Variants in TTBK1 observed in about 807,000 individuals in gnomAD.
TTBK1 encodes tau-tubulin kinase 1.
Under a neutral mutation model 108.5 loss-of-function variants are expected in TTBK1, and 34 were observed. The ratio of observed to expected loss-of-function variants is 0.31; its 90% CI spans 0.24 to 0.42. TTBK1 has a LOEUF of 0.42. Ranked by LOEUF, TTBK1 falls within the 10% of genes least tolerant of loss-of-function variation. TTBK1 has a pLI of 1.00. For missense variants in TTBK1, 1,539 were observed against 1,826.0 expected (o/e 0.84, Z 2.86); for synonymous variants, 809 against 795.1 (o/e 1.02, Z -0.29).
chr6:43,266,926 G>C (rs1321830452), intron 13 of TTBK1, among the ~76,000 whole-genome samples: 3 of 152,092 alleles, frequency 2.0e-5, no homozygotes, highest in African/African-American at 7.2e-5. Flanking sequence ...TGAGGTCTGT[G>C]AGTTTAACAG....
chr6:43,284,347 G>A, intron 14 of TTBK1, 35 bp downstream of exon 14: 1 of 1,471,260 alleles, frequency 6.8e-7, no homozygotes. Context: ...GGTGGGCAGA[G>A]GGTGGCCACA....
Position 43,245,456 on chromosome 6 carries a change from A to G in TTBK1, c.-54-1151A>G, listed in dbSNP as rs551650264. 2.8e-4 allele frequency among the ~76,000 whole-genome samples: 43 copies of G among 152,306 alleles called. 1 individual carries two copies. The highest frequency in any genetic ancestry group is 2.5e-3 in the Admixed American group (39 of 15,306). The stretch of plus-strand genomic sequence containing the variant: ...TGGCCCCTTGCCTACACACATGCAT[A>G]TCACACACAGACACAAAACACACAC... On this transcript the variant is annotated intron_variant, in intron 1 of 14. Transcript: ENST00000259750.
Position 43,283,776 on chromosome 6 carries a change from C to T in TTBK1, c.3036C>T (p.Asn1012=), listed in dbSNP as rs778099928. Residue 1012 remains asparagine, a synonymous_variant, in exon 14 of 15, where the codon AAC becomes AAT. Transcript: ENST00000259750. This position sits in a 1 kb window ranked among gnomAD's most constrained non-coding sequence, Gnocchi z 8.1. ...PRETPSEMAT[N]SLPNGPALAD... is the part of the protein sequence containing the mutation. The stretch of plus-strand genomic sequence containing the variant: ...AAACCCCCTCAGAGATGGCCACAAA[C>T]TCACTGCCCAATGGCCCGGCCCTTG... 25 of 1,613,674 alleles carry T rather than the reference C, an allele frequency of 1.5e-5. No homozygotes were observed. Among genetic ancestry groups the T allele is most frequent in the African/African-American group, 2.7e-5 (2 of 74,932 alleles).
chr6:43,255,140 G>C lies in TTBK1; in HGVS notation c.642+26G>C, dbSNP rs1239663587. On this transcript the variant is annotated intron_variant, in intron 7 of 14. Transcript: ENST00000259750. ...GTGAGTGGCAAAGCCCGGGATGCAG[G>C]ATGTGGAGGTGGGAGGGGCAAGGTC... 3.7e-6 allele frequency: 5 copies of C among 1,365,142 alleles called. No homozygotes were observed. The South Asian group carries it at 5.7e-5, about 16-fold the overall frequency. 84.6% of individuals were successfully genotyped at this position (1,365,142 alleles called of 1,614,324 possible). A position where few individuals can be genotyped will look rare whatever the true frequency, so the allele number is the denominator to read the frequency against.
In TTBK1 at chr6:43,246,586, AG is replaced by A; in HGVS notation, c.-54-19del. On this transcript the variant is annotated intron_variant, in intron 1 of 14. Coordinates refer to ENST00000259750, the MANE Select transcript of TTBK1 (RefSeq NM_032538.3). ...TCCTGGGTCCGCAGCCCGCCCTCAC[AG>A]GCCCTCCTCACTCCCCTAGGTAGAT... 1.7e-6 allele frequency: 2 copies of A among 1,206,098 alleles called. No homozygotes were observed. The highest frequency in any genetic ancestry group is 2.3e-6 in the Non-Finnish European group (2 of 860,124). The allele number at this position is 1,206,098 out of a possible 1,614,324, so 74.7% of individuals were successfully genotyped here.
At chr6:43,270,128 C>T (rs958150248) in intron 13 of TTBK1, 398 of 1,373,402 alleles carry the variant, frequency 2.9e-4, no homozygotes, top group Non-Finnish European at 3.5e-4. Context: ...CCACCCCAAG[C>T]AGAGTCTCCG....
intron 2 of TTBK1, among the ~76,000 whole-genome samples, chr6:43,247,602 G>A (rs1777128414): frequency 6.6e-6 from 1 of 152,088 alleles, no homozygotes; most frequent in African/African-American, 2.4e-5. Flanking sequence ...GGGGAGGGGA[G>A]GGAGAACAAC....
At position 43,259,652 on chromosome 6, in the gene TTBK1, C is replaced by T; in HGVS notation, c.1370C>T (p.Pro457Leu). The T allele has an allele frequency of 1.9e-6, 3 of 1,609,240 alleles. No individual in the cohort carries two copies. The highest frequency in any genetic ancestry group is 1.3e-5 in the African/African-American group (1 of 74,962). ...CTGCGCTACCGGAGGGTGAACAGCCCTGAGTCAGAAAGGCTGTCCACGGCG... is the reference window on the plus strand; with the variant it reads ...CTGCGCTACCGGAGGGTGAACAGCCTTGAGTCAGAAAGGCTGTCCACGGCG... ...RSLRYRRVNSPESERLSTADG... is the reference protein window; with the variant it reads ...RSLRYRRVNSLESERLSTADG... Residue 457 changes from proline (P) to leucine (L), a missense_variant, in exon 12 of 15, where the codon CCT becomes CTT. Transcript: ENST00000259750. This position sits in a 1 kb window ranked among gnomAD's most constrained non-coding sequence, Gnocchi z 6.7.
At chr6:43,247,373 G>C (rs1161724315) in intron 2 of TTBK1, among the ~76,000 whole-genome samples, 2 of 152,184 alleles carry the variant, frequency 1.3e-5, no homozygotes, top group African/African-American at 4.8e-5. Context: ...GCCTCCTCGG[G>C]AGCCGGGCCT....
intron 12 of TTBK1, among the ~76,000 whole-genome samples, chr6:43,261,212 G>T (rs959670500): frequency 2.0e-5 from 3 of 152,268 alleles, no homozygotes; most frequent in East Asian, 3.9e-4. Flanking sequence ...AGCCCCACAG[G>T]CAGTTCTGAT....
chr6:43,252,985 G>GGT (rs1777285923), intron 3 of TTBK1, 99 bp downstream of exon 3: 5 of 1,433,410 alleles, frequency 3.5e-6, no homozygotes, highest in Non-Finnish European at 4.8e-6. Flanking sequence ...AGGAGATGTC[G>GGT]TGTGGTAGAG....
Position 43,283,932 on chromosome 6 carries a change from C to T in TTBK1, c.3192C>T (p.Asp1064=). 1 of 1,613,032 alleles carries T rather than the reference C, an allele frequency of 6.2e-7. No individual in the cohort carries two copies. The change falls in exon 14 of 15, where the codon GAC becomes GAT. Residue 1064 remains aspartate (D), a synonymous_variant. Transcript: ENST00000259750. This position sits in a 1 kb window ranked among gnomAD's most constrained non-coding sequence, Gnocchi z 8.1. The part of the protein sequence containing the change: ...SRIPVLLSEE[D]TGSEPSGSLS... ...TCCCTGTCCTGCTCTCTGAGGAGGA[C>T]ACGGGCTCGGAGCCCTCAGGCTCAC...
rs1398796119 is a variant in TTBK1, at chr6:43,253,593, G to A, written c.356G>A (p.Arg119His). ...LQGRNLADLRRSQPRGTFTLS... is the reference protein window; with the variant it reads ...LQGRNLADLRHSQPRGTFTLS... ...GGCCGGAACCTGGCCGACCTGCGCC[G>A]TAGCCAGCCGCGAGGCACCTTCACG... The change falls in exon 5 of 15, where the codon CGT becomes CAT. Residue 119 changes from arginine (R) to histidine (H), a missense_variant. This residue lies in a region of TTBK1 where 155 missense variants were observed against 348.5 expected (regional missense o/e 0.44). Transcript: ENST00000259750. The surrounding 1 kb of genome is among the most constrained non-coding windows in gnomAD (Gnocchi z 5.8). The A allele has an allele frequency of 2.5e-6, 4 of 1,611,720 alleles. No individual in the cohort carries two copies. The highest frequency in any genetic ancestry group is 1.7e-5 in the Admixed American group (1 of 59,924).
chr6:43,280,327 A>C (rs942271203), intron 13 of TTBK1, among the ~76,000 whole-genome samples: 1 of 152,088 alleles, frequency 6.6e-6, no homozygotes, highest in African/African-American at 2.4e-5. Flanking sequence ...TGTGGCATCC[A>C]GGCTTTTCTG....
Position 43,283,866 on chromosome 6 carries a change from C to A in TTBK1, c.3126C>A (p.Pro1042=), listed in dbSNP as rs775563985. 6.2e-7 allele frequency: 1 copy of A among 1,610,878 alleles called. No individual in the cohort carries two copies. The highest frequency in any genetic ancestry group is 8.5e-7 in the Non-Finnish European group (1 of 1,178,000). Residue 1042 remains proline, a synonymous_variant, in exon 14 of 15, where the codon CCC becomes CCA. Coordinates refer to ENST00000259750, the MANE Select transcript of TTBK1 (RefSeq NM_032538.3). The surrounding 1 kb of genome is among the most constrained non-coding windows in gnomAD (Gnocchi z 8.1). ...CTGAGAAAGTGGCCACCATCTCCCCCAGACGCCATGCTATGCCAGGCTCTC... is the reference window on the plus strand; with the variant it reads ...CTGAGAAAGTGGCCACCATCTCCCCAAGACGCCATGCTATGCCAGGCTCTC... ...PSPEKVATIS[P]RRHAMPGSRP... is the part of the protein sequence containing the mutation.
At position 43,255,733 on chromosome 6, in the gene TTBK1, A is replaced by G; in HGVS notation, c.738A>G (p.Glu246=). Residue 246 remains glutamate, a splice_region_variant and synonymous_variant, in exon 9 of 15, where the codon GAA becomes GAG. Coordinates refer to ENST00000259750, the MANE Select transcript of TTBK1 (RefSeq NM_032538.3). ...TCCCTGTGGCCTCTTGCCTCCAGGA[A>G]CAGGTAGGGATGATCAAGGAGAAGT... ...QLPWRKIKDK[E]QVGMIKEKYE... 1.2e-6 allele frequency: 2 copies of G among 1,614,134 alleles called. No homozygotes were observed. Among genetic ancestry groups the G allele is most frequent in the Non-Finnish European group, 1.7e-6 (2 of 1,180,020 alleles).
intron 2 of TTBK1, 75 bp downstream of exon 2, chr6:43,246,843 G>T: frequency 3.3e-6 from 4 of 1,200,708 alleles, no homozygotes; most frequent in Non-Finnish European, 3.5e-6. Context: ...TGTTAAAACC[G>T]GTGCCCTCCG....
chr6:43,252,964 TG>T, intron 3 of TTBK1, 78 bp downstream of exon 3: 6 of 1,540,068 alleles, frequency 3.9e-6, no homozygotes, highest in Non-Finnish European at 4.4e-6. Context: ...GATCAGAAGC[TG>T]GGGTGAGGGA....
chr6:43,248,596 G>A lies in TTBK1; in HGVS notation c.108+1828G>A, dbSNP rs147053358. Among the ~76,000 whole-genome samples, 630 of 152,248 alleles carry A rather than the reference G, an allele frequency of 4.1e-3. 6 individuals are homozygous for A. Among genetic ancestry groups the A allele is most frequent in the Non-Finnish European group, 6.7e-3 (453 of 68,012 alleles). On this transcript the variant is annotated intron_variant, in intron 2 of 14. Transcript: ENST00000259750. ...AAATTAGCCGGGTGTGGCAGTGGGC[G>A]CCTGTAATCCCAGCTACCTGGGAGG... is the stretch of plus-strand genomic sequence containing the variant.
Sources: gnomAD v4.1 joint callset for allele counts (sites outside exome capture counted in the v4.1 genomes callset) on GRCh38, gnomAD v4.1.1 for gene constraint, gnomAD v4.1.1 regional missense constraint, Gnocchi (gnomAD v3.1) non-coding constraint, MANE v1.5 for transcripts, NCBI Gene and HGNC (gene_info 2026-07-23, HGNC 2026-07-21) for gene names.